ROBO2: variants seen among roughly 807,000 people sequenced by gnomAD.
The protein encoded by ROBO2 is roundabout homolog 2.
Under a neutral mutation model 160.8 loss-of-function variants are expected in ROBO2, and 53 were observed. The observed-to-expected ratio is 0.33, with a 90% CI of 0.26 to 0.41. The LOEUF (loss-of-function observed/expected upper bound fraction) is 0.41, where lower values mean the gene tolerates loss of function less well. Ranked by LOEUF, ROBO2 falls within the 10% of genes least tolerant of loss-of-function variation. The pLI, the probability that ROBO2 is intolerant of heterozygous loss-of-function variation, is 1.00. For synonymous variants in ROBO2, 664 were observed against 611.7 expected (o/e 1.09, Z -1.26); for missense variants, 1,577 against 1,722.4 (o/e 0.92, Z 1.49).
At chr3:76,402,852 C>T (rs867707483) in intron 2 of ROBO2, among the ~76,000 whole-genome samples, 2 of 151,622 alleles carry the variant, frequency 1.3e-5, no homozygotes, top group African/African-American at 4.8e-5. Flanking sequence ...AGATTGGGCT[C>T]ACCCAGATAA....
intron 2 of ROBO2, among the ~76,000 whole-genome samples, chr3:76,819,077 T>G (rs571879187): frequency 6.6e-6 from 1 of 152,210 alleles, no homozygotes; most frequent in African/African-American, 2.4e-5. Context: ...CAAATATTTT[T>G]GACTGCCTGT....
intron 2 of ROBO2, among the ~76,000 whole-genome samples, chr3:76,238,631 C>T (rs1705103209): frequency 6.6e-6 from 1 of 151,420 alleles, no homozygotes; most frequent in Non-Finnish European, 1.5e-5. Flanking sequence ...CCCCAGGTTT[C>T]CCCCTAGACA....
At chr3:76,639,324 G>A (rs2090512965) in intron 2 of ROBO2, among the ~76,000 whole-genome samples, 1 of 151,464 alleles carries the variant, frequency 6.6e-6, no homozygotes, top group African/African-American at 2.4e-5. Context: ...ATATGGACAT[G>A]TATATATGTG....
chr3:77,246,734 A>G (rs2089774688), intron 2 of ROBO2, among the ~76,000 whole-genome samples: 1 of 152,246 alleles, frequency 6.6e-6, no homozygotes, highest in Non-Finnish European at 1.5e-5. Flanking sequence ...ATATTCTGAA[A>G]GCTATCAAGC....
At chr3:76,307,002 C>T (rs2071363729) in intron 2 of ROBO2, among the ~76,000 whole-genome samples, 1 of 152,130 alleles carries the variant, frequency 6.6e-6, no homozygotes, top group Non-Finnish European at 1.5e-5. Flanking sequence ...TTGTTGACCC[C>T]CTACCATTGA....
At chr3:76,825,000 G>A (rs1056610677) in intron 2 of ROBO2, among the ~76,000 whole-genome samples, 1 of 152,192 alleles carries the variant, frequency 6.6e-6, no homozygotes, top group Non-Finnish European at 1.5e-5. Flanking sequence ...TTATTAGGAA[G>A]CTTCTCAACT....
chr3:76,417,821 C>T (rs377038498), intron 2 of ROBO2, among the ~76,000 whole-genome samples: 2 of 152,100 alleles, frequency 1.3e-5, no homozygotes, highest in East Asian at 3.9e-4. Context: ...TGTCTAATCA[C>T]TTTGAAACAG....
chr3:76,378,260 G>T (rs1268771902), intron 2 of ROBO2, among the ~76,000 whole-genome samples: 1 of 152,100 alleles, frequency 6.6e-6, no homozygotes, highest in Non-Finnish European at 1.5e-5. Flanking sequence ...CTCAACAATG[G>T]AGACAACTTA....
rs542083193 is a variant in ROBO2 at position 77,203,424 on chromosome 3, C to G, written c.388+105084C>G. Among the ~76,000 whole-genome samples the G allele has an allele frequency of 3.3e-5, 5 of 152,172 alleles. No homozygotes were observed. The East Asian group carries it at 9.7e-4, about 29-fold the overall frequency. On this transcript the variant is annotated intron_variant, in intron 2 of 25. Transcript: ENST00000461745. ...ATCTGTTTTTTTCTTAGACTGCTTA[C>G]TGTGTAAAAATAAATCAGGTTTTAT...
At chr3:77,607,269 A>G (rs2094543636) in intron 20 of ROBO2, among the ~76,000 whole-genome samples, 1 of 152,202 alleles carries the variant, frequency 6.6e-6, no homozygotes, top group South Asian at 2.1e-4. Context: ...TATCTTCGCA[A>G]AATATTTACA....
At chr3:76,575,916 T>C (rs2108649509) in intron 2 of ROBO2, among the ~76,000 whole-genome samples, 1 of 152,182 alleles carries the variant, frequency 6.6e-6, no homozygotes, top group East Asian at 1.9e-4. Flanking sequence ...GCTATCATTT[T>C]TTTTAGAGTA....
At chr3:77,150,231 G>A (rs562264127) in intron 2 of ROBO2, among the ~76,000 whole-genome samples, 2 of 152,252 alleles carry the variant, frequency 1.3e-5, no homozygotes, top group South Asian at 2.1e-4. Context: ...TAACCAGGCC[G>A]AGTGGAGATG....
At chr3:76,433,865 CTCTA>C (rs2076547872) in intron 2 of ROBO2, among the ~76,000 whole-genome samples, 2 of 152,204 alleles carry the variant, frequency 1.3e-5, no homozygotes, top group African/African-American at 4.8e-5. Context: ...GAATTCACAT[CTCTA>C]TCTATTTTCT....
Position 76,049,659 on chromosome 3 carries a change from C to T in ROBO2, c.109+112057C>T, listed in dbSNP as rs181423958. ...TATCACACTCTTTACAGAAGCACCTCCTCTTAATTAATTCTTTCCACATAT... is the reference window on the plus strand; with the variant it reads ...TATCACACTCTTTACAGAAGCACCTTCTCTTAATTAATTCTTTCCACATAT... On this transcript the variant is annotated intron_variant, in intron 2 of 26. Coordinates refer to the ROBO2 transcript ENST00000487694. 1.8e-3 allele frequency among the ~76,000 whole-genome samples: 273 copies of T among 151,978 alleles called. 3 individuals are homozygous for T. Among genetic ancestry groups the T allele is most frequent in the African/African-American group, 6.2e-3 (258 of 41,404 alleles).
chr3:77,516,585 T>C (rs1287987586), intron 5 of ROBO2, among the ~76,000 whole-genome samples: 1 of 151,610 alleles, frequency 6.6e-6, no homozygotes, highest in African/African-American at 2.4e-5. Flanking sequence ...ATTTATTTGT[T>C]CATGTTACTA....
chr3:76,213,267 A>C (rs921387696), intron 2 of ROBO2, among the ~76,000 whole-genome samples: 3 of 152,178 alleles, frequency 2.0e-5, no homozygotes, highest in Non-Finnish European at 4.4e-5. Context: ...AAGAAAAAGA[A>C]TCTTGAAAAT....
intron 2 of ROBO2, among the ~76,000 whole-genome samples, chr3:76,678,264 C>G (rs2092464987): frequency 6.6e-6 from 1 of 151,990 alleles, no homozygotes; most frequent in South Asian, 2.1e-4. Flanking sequence ...AGCCAACACA[C>G]CTGGCTGAAA....
At chr3:77,389,629 C>T (rs2074501815) in intron 2 of ROBO2, among the ~76,000 whole-genome samples, 1 of 151,908 alleles carries the variant, frequency 6.6e-6, no homozygotes, top group African/African-American at 2.4e-5. Flanking sequence ...ATCTTCTTTC[C>T]TTTTTTTCTT....
chr3:76,603,351 A>AAAAAAATATAT (rs1553826368), intron 2 of ROBO2, among the ~76,000 whole-genome samples: 1 of 26,406 alleles, frequency 3.8e-5, no homozygotes, highest in African/African-American at 2.4e-4. Flanking sequence ...AAAAAAAAAA[A>AAAAAAATATAT]ATATATATAT....
Sources: gnomAD v4.1 joint callset for allele counts (sites outside exome capture counted in the v4.1 genomes callset) on GRCh38, gnomAD v4.1.1 for gene constraint, MANE v1.5 for transcripts, NCBI Gene and HGNC (gene_info 2026-07-23, HGNC 2026-07-21) for gene names.